The following CYP46A1 variants were observed in gnomAD, a reference collection of about 807,000 sequenced individuals.
CYP46A1 encodes cytochrome P450 family 46 subfamily A member 1, also known as cholesterol 24-hydroxylase.
A neutral mutation model predicts 63.3 loss-of-function variants in CYP46A1; 20 were observed. The observed-to-expected ratio is 0.32, with a 90% CI of 0.22 to 0.46. The LOEUF (loss-of-function observed/expected upper bound fraction) is 0.46, where lower values mean the gene tolerates loss of function less well. CYP46A1 is among the 20% of genes least tolerant of loss of function. The pLI, the probability that CYP46A1 is intolerant of heterozygous loss-of-function variation, is 1.00. For missense variants in CYP46A1, 445 were observed against 670.8 expected (o/e 0.66, Z 3.72); for synonymous variants, 268 against 273.6 (o/e 0.98, Z 0.20).
rs566088652 is a variant in CYP46A1 at position 99,726,901 on chromosome 14, C to T, written c.*174C>T. The T allele has an allele frequency of 1.6e-5, 8 of 506,090 alleles. No homozygotes were observed. The highest frequency in any genetic ancestry group is 1.5e-4 in the Admixed American group (4 of 27,284). 31.3% of individuals were successfully genotyped at this position (506,090 alleles called of 1,614,324 possible). On this transcript the variant is annotated 3_prime_UTR_variant, in exon 15 of 15. Coordinates refer to ENST00000261835, the MANE Select transcript of CYP46A1 (RefSeq NM_006668.2). ...TCACACCCCTCAGCGCTCCCTGTCG[C>T]CTGCGGACTCCATGGCCCTTCCTGG...
At chr14:99,693,175 G>A (rs1468908558) in intron 3 of CYP46A1, 2 of 153,004 alleles carry the variant, frequency 1.3e-5, no homozygotes, top group African/African-American at 4.8e-5. Context: ...CGCAGCAGAT[G>A]TGTGGGGCAA....
intron 5 of CYP46A1, among the ~76,000 whole-genome samples, chr14:99,700,791 A>T (rs3930241): frequency 1.3e-5 from 2 of 152,238 alleles, no homozygotes; most frequent in African/African-American, 4.8e-5. Flanking sequence ...CAGATTTTTT[A>T]AAAGTTTACT....
At chr14:99,711,738 A>C (rs1024720763) in intron 7 of CYP46A1, 9 of 152,148 alleles carry the variant, frequency 5.9e-5, no homozygotes, top group African/African-American at 2.2e-4. Context: ...CTATTCCAAA[A>C]AATTGAAGAA....
intron 1 of CYP46A1, 90 bp from the exon 2 acceptor site, chr14:99,690,991 T>G (rs974394309): frequency 1.6e-6 from 2 of 1,257,102 alleles, no homozygotes; most frequent in Non-Finnish European, 1.2e-6. Context: ...CTCCTGTCTG[T>G]GAAGTGGGCC....
At chr14:99,684,649 G>A in intron 1 of CYP46A1, 113 bp downstream of exon 1, 1 of 884,604 alleles carries the variant, frequency 1.1e-6, no homozygotes, top group South Asian at 1.4e-5. Context: ...GCGCGCGGCC[G>A]CTGGGAGTCG....
At chr14:99,721,374 T>C in intron 11 of CYP46A1, 51 bp downstream of exon 11, 1 of 1,241,758 alleles carries the variant, frequency 8.1e-7, no homozygotes, top group Non-Finnish European at 1.2e-6. Context: ...GATCATGTCA[T>C]CATGCCTGCT....
intron 7 of CYP46A1, chr14:99,707,902 A>C (rs1310634694): frequency 1.9e-6 from 1 of 525,310 alleles, no homozygotes; most frequent in Non-Finnish European, 3.4e-6. Context: ...TCTCATGTGA[A>C]ATGATCCCCA....
chr14:99,705,253 A>C (rs1053082663), intron 5 of CYP46A1, among the ~76,000 whole-genome samples: 4 of 152,146 alleles, frequency 2.6e-5, no homozygotes, highest in Admixed American at 2.0e-4. Flanking sequence ...TTTCACCCAG[A>C]CTGGAGTGCA....
rs576174132 is a variant in CYP46A1, at chr14:99,714,791, A to G, written c.694-1019A>G. Among the ~76,000 whole-genome samples, 5 of 151,714 alleles carry G rather than the reference A, an allele frequency of 3.3e-5. No individual in the cohort carries two copies. In the East Asian group the frequency reaches 9.7e-4, roughly 29 times the overall value. On this transcript the variant is annotated intron_variant, in intron 7 of 14. Coordinates refer to ENST00000261835, the MANE Select transcript of CYP46A1 (RefSeq NM_006668.2). ...AAAAAAAAAAAGAAAAGAAAATTTG[A>G]TGTATATACACATGGAATGCTATTT...
At chr14:99,687,880 T>C (rs2056508262) in intron 1 of CYP46A1, among the ~76,000 whole-genome samples, 1 of 152,266 alleles carries the variant, frequency 6.6e-6, no homozygotes, top group Middle Eastern at 3.4e-3. Flanking sequence ...CAAGTCCCCA[T>C]GTCTGGCCAT....
chr14:99,700,102 G>C lies in CYP46A1; in HGVS notation c.443+1G>C. On this transcript the variant is annotated splice_donor_variant, in intron 5 of 14. Transcript: ENST00000261835. LOFTEE classifies it high-confidence loss of function. ...TCATAGACCTGGCCTTCAGCCGGAG[G>C]TGAGTGTGGCCGGAGGCTCCGTGGC... 6.3e-7 allele frequency: 1 copy of C among 1,594,308 alleles called. No homozygotes were observed. Among genetic ancestry groups the C allele is most frequent in the Non-Finnish European group, 8.6e-7 (1 of 1,166,644 alleles).
rs143623872 is a variant in CYP46A1, at chr14:99,687,810, T to C, written c.120-3271T>C. On this transcript the variant is annotated intron_variant, in intron 1 of 14. Transcript: ENST00000261835. ...CCTCTCTCCCAGGGCTGCTCTGCTG[T>C]GTCCAGTCTATCACCAGGGACATGC... 3.0e-3 allele frequency among the ~76,000 whole-genome samples: 453 copies of C among 152,290 alleles called. 3 individuals are homozygous for C. The highest frequency in any genetic ancestry group is 0.01 in the African/African-American group (428 of 41,554).
chr14:99,702,760 C>T (rs981233833), intron 5 of CYP46A1, among the ~76,000 whole-genome samples: 4 of 152,012 alleles, frequency 2.6e-5, no homozygotes, highest in African/African-American at 9.7e-5. Flanking sequence ...AGACATTGTG[C>T]TCCCCACCTT....
chr14:99,726,322 G>A (rs1179737086), intron 14 of CYP46A1, 66 bp downstream of exon 14: 14 of 1,534,054 alleles, frequency 9.1e-6, no homozygotes, highest in South Asian at 3.4e-5. Context: ...ATCCTGAGCC[G>A]GGAAGCATCT....
Position 99,725,576 on chromosome 14 carries a change from A to G in CYP46A1, c.1265+97A>G. 2 of 838,470 alleles carry G rather than the reference A, an allele frequency of 2.4e-6. No individual in the cohort carries two copies. Among genetic ancestry groups the G allele is most frequent in the African/African-American group, 1.7e-5 (1 of 59,886 alleles). 51.9% of individuals were successfully genotyped at this position (838,470 alleles called of 1,614,324 possible). On this transcript the variant is annotated intron_variant, in intron 13 of 14. Coordinates refer to ENST00000261835, the MANE Select transcript of CYP46A1 (RefSeq NM_006668.2). The surrounding 1 kb of genome is among the most constrained non-coding windows in gnomAD (Gnocchi z 4.2). ...AGCCAGAGGCACCCACTCAGCCCAC[A>G]TAGCCTTCCAGATCCCTGTGAGGTG...
At chr14:99,702,861 G>A (rs1192647095) in intron 5 of CYP46A1, among the ~76,000 whole-genome samples, 4 of 152,108 alleles carry the variant, frequency 2.6e-5, no homozygotes, top group African/African-American at 9.7e-5. Context: ...CTAATTCACA[G>A]TTCATATTCA....
At chr14:99,699,325 T>G in intron 3 of CYP46A1, 141 bp from the exon 4 acceptor site, 9 of 776,304 alleles carry the variant, frequency 1.2e-5, no homozygotes, top group Non-Finnish European at 1.6e-5. Context: ...ATAGGGACGA[T>G]TGTGTGGGAT....
chr14:99,723,109 T>C, intron 12 of CYP46A1: 1 of 267,014 alleles, frequency 3.7e-6, no homozygotes, highest in Non-Finnish European at 7.9e-6. Flanking sequence ...CAAATATGTG[T>C]TTTTAAAAAA....
intron 3 of CYP46A1, among the ~76,000 whole-genome samples, chr14:99,699,228 GCTCT>G (rs1325413140): frequency 2.0e-5 from 3 of 152,028 alleles, no homozygotes; most frequent in African/African-American, 7.2e-5. Context: ...CCCTCCCCAC[GCTCT>G]CTGACTGTAC....
Sources: allele counts gnomAD v4.1 joint callset (sites outside exome capture counted in the v4.1 genomes callset), GRCh38; gene constraint gnomAD v4.1.1; non-coding constraint Gnocchi (gnomAD v3.1); transcripts MANE v1.5; gene names NCBI Gene and HGNC (gene_info 2026-07-23, HGNC 2026-07-21).